P2RX7: variants seen among roughly 807,000 people sequenced by gnomAD.
The protein encoded by P2RX7 is purinergic receptor P2X 7.
In P2RX7, 62 loss-of-function variants were observed where a neutral mutation model predicts 71.6. That is an observed-to-expected ratio of 0.87 (90% confidence interval 0.71 to 1.07). The LOEUF (loss-of-function observed/expected upper bound fraction) is 1.07. P2RX7 is among the 50% of genes least tolerant of loss of function. The pLI is 0.00. For synonymous variants in P2RX7, 299 were observed against 283.3 expected (o/e 1.06, Z -0.56); for missense variants, 686 against 748.5 (o/e 0.92, Z 0.97).
At chr12:121,144,763 T>G (rs1028132965) in intron 1 of P2RX7, among the ~76,000 whole-genome samples, 4 of 151,908 alleles carry the variant, frequency 2.6e-5, no homozygotes, top group Non-Finnish European at 4.4e-5. Context: ...AGGAGAGAAG[T>G]AGATGAATTT....
intron 1 of P2RX7, among the ~76,000 whole-genome samples, chr12:121,139,049 T>C (rs1299333781): frequency 6.6e-6 from 1 of 152,116 alleles, no homozygotes; most frequent in Non-Finnish European, 1.5e-5. Context: ...TCAGGTGATT[T>C]TCCCACCTCA....
intron 4 of P2RX7, among the ~76,000 whole-genome samples, chr12:121,161,753 C>T (rs1879762316): frequency 7.0e-6 from 1 of 142,262 alleles, no homozygotes. Flanking sequence ...GATCATGCCA[C>T]TGCACTCCAG....
intron 12 of P2RX7, among the ~76,000 whole-genome samples, chr12:121,183,520 A>C (rs1488981399): frequency 6.6e-6 from 1 of 151,508 alleles, no homozygotes; most frequent in Non-Finnish European, 1.5e-5. Context: ...GCAGTAAGCC[A>C]AGATCATGCC....
At position 121,162,887 on chromosome 12, in the gene P2RX7, A is replaced by G. The variant is rs16950842; in HGVS notation, c.533+367A>G. On this transcript the variant is annotated intron_variant, in intron 5 of 12. Coordinates refer to ENST00000328963, the MANE Select transcript of P2RX7 (RefSeq NM_002562.6). Reference sequence around the variant, plus strand: ...GTGTCCATACTGAGTGATCAAGGATAGGAAGGAAGGAGGGAGATGGAAGGG... The same window carrying G: ...GTGTCCATACTGAGTGATCAAGGATGGGAAGGAAGGAGGGAGATGGAAGGG... Among the ~76,000 whole-genome samples, 1,383 of 151,990 alleles carry G rather than the reference A, an allele frequency of 9.1e-3. 25 individuals carry two copies. Among genetic ancestry groups the G allele is most frequent in the African/African-American group, 0.032 (1,334 of 41,420 alleles).
intron 4 of P2RX7, among the ~76,000 whole-genome samples, chr12:121,161,796 A>C (rs1593074886): frequency 6.6e-6 from 1 of 151,912 alleles, no homozygotes; most frequent in East Asian, 1.9e-4. Context: ...CTTTAAAAAA[A>C]AAAAAAAAGG....
chr12:121,155,193 T>TGTCC, intron 2 of P2RX7: 3 of 1,473,520 alleles, frequency 2.0e-6, no homozygotes, highest in Non-Finnish European at 2.7e-6. Flanking sequence ...TCCTGGTGCA[T>TGTCC]TGAAAACAGG....
intron 5 of P2RX7, among the ~76,000 whole-genome samples, chr12:121,163,554 A>G (rs1880273489): frequency 8.4e-6 from 1 of 119,570 alleles, no homozygotes; most frequent in African/African-American, 2.8e-5. Flanking sequence ...TGATAGATAG[A>G]AAGATAGATA....
At chr12:121,162,807 G>A (rs1029447649) in intron 5 of P2RX7, among the ~76,000 whole-genome samples, 3 of 152,032 alleles carry the variant, frequency 2.0e-5, no homozygotes, top group Admixed American at 2.0e-4. Context: ...GATCTTCCAG[G>A]GTACCCCCAG....
Position 121,175,421 on chromosome 12 carries a change from GAAACGGACTCTGAT to G in P2RX7, c.919_932del (p.Arg307SerfsTer7), listed in dbSNP as rs764653125. 6.2e-7 allele frequency: 1 copy of G among 1,602,490 alleles called. No homozygotes were observed. Among genetic ancestry groups the G allele is most frequent in the South Asian group, 1.1e-5 (1 of 90,826 alleles). ...AGTACTACAAGGAAAACAATGTTGA[GAAACGGACTCTGAT>G]AAAAGTCTTCGGGATCCGTTTTGAC... On this transcript the variant is annotated frameshift_variant, in exon 9 of 13. Transcript: ENST00000328963. LOFTEE classifies it high-confidence loss of function.
At chr12:121,181,130 G>A (rs1884079888) in intron 12 of P2RX7, among the ~76,000 whole-genome samples, 1 of 152,082 alleles carries the variant, frequency 6.6e-6, no homozygotes, top group Non-Finnish European at 1.5e-5. Context: ...TTTTACTTTG[G>A]CTAGAATTTT....
Position 121,135,042 on chromosome 12 carries a change from A to T in P2RX7, c.125+1947A>T, listed in dbSNP as rs1042037903. On this transcript the variant is annotated intron_variant, in intron 1 of 12. Coordinates refer to ENST00000328963, the MANE Select transcript of P2RX7 (RefSeq NM_002562.6). ...AGCTCCATAACTAGTATCTATTTTT[A>T]AAAATAATCTTTTTAAGTCTGGGAG... is the stretch of plus-strand genomic sequence containing the variant. Among the ~76,000 whole-genome samples, 5 of 152,200 alleles carry T rather than the reference A, an allele frequency of 3.3e-5. No homozygotes were observed. The East Asian group carries it at 5.8e-4, about 18-fold the overall frequency.
At chr12:121,141,965 C>G (rs953238818) in intron 1 of P2RX7, among the ~76,000 whole-genome samples, 13 of 152,164 alleles carry the variant, frequency 8.5e-5, no homozygotes, top group African/African-American at 2.7e-4. Flanking sequence ...CACTTTGATA[C>G]ACAAGGAATA....
intron 6 of P2RX7, among the ~76,000 whole-genome samples, chr12:121,165,854 C>A (rs1880900196): frequency 6.6e-6 from 1 of 152,130 alleles, no homozygotes; most frequent in Non-Finnish European, 1.5e-5. Flanking sequence ...TGGGGGGAGA[C>A]CCCAACACTT....
chr12:121,133,568 C>T (rs185272507), intron 1 of P2RX7, among the ~76,000 whole-genome samples: 7 of 152,222 alleles, frequency 4.6e-5, no homozygotes, highest in Admixed American at 4.6e-4. Context: ...AAGAAACTTA[C>T]TGAGATATAA....
intron 1 of P2RX7, among the ~76,000 whole-genome samples, chr12:121,142,765 G>T (rs1167684328): frequency 6.6e-6 from 1 of 152,108 alleles, no homozygotes; most frequent in African/African-American, 2.4e-5. Flanking sequence ...GGCCCACCTG[G>T]ATGACACAGG....
At chr12:121,157,739 T>A (rs1410702964) in intron 3 of P2RX7, among the ~76,000 whole-genome samples, 1 of 152,222 alleles carries the variant, frequency 6.6e-6, no homozygotes, top group Non-Finnish European at 1.5e-5. Context: ...AAACTTAAAC[T>A]TCTTAACTCT....
chr12:121,142,798 G>A (rs534046472), intron 1 of P2RX7, among the ~76,000 whole-genome samples: 10 of 152,132 alleles, frequency 6.6e-5, no homozygotes, highest in Non-Finnish European at 1.2e-4. Context: ...TCTCAAAATC[G>A]TTAACTTTGG....
intron 5 of P2RX7, 96 bp downstream of exon 5, chr12:121,162,616 T>G: frequency 6.9e-7 from 1 of 1,445,978 alleles, no homozygotes; most frequent in Non-Finnish European, 9.4e-7. Flanking sequence ...AGCACAGCCC[T>G]GCAAAGTCCT....
chr12:121,165,379 G>A lies in P2RX7; in HGVS notation c.556G>A (p.Glu186Lys), dbSNP rs28360451. The change falls in exon 6 of 13, where the codon GAA (glutamate) becomes AAA (lysine). Residue 186 changes from glutamate (E) to lysine (K), a missense_variant. By Grantham distance (56) the Glu-to-Lys change is moderately conservative. Coordinates refer to ENST00000328963, the MANE Select transcript of P2RX7 (RefSeq NM_002562.6). The stretch of plus-strand genomic sequence containing the variant: ...CAGGCCTGCTCTCTTGAACAGTGCC[G>A]AAAACTTCACTGTGCTCATCAAGAA... ...APRPALLNSAENFTVLIKNNI... is the reference protein window; with the variant it reads ...APRPALLNSAKNFTVLIKNNI... The A allele has an allele frequency of 6.1e-5, 99 of 1,613,954 alleles. 2 individuals carry two copies. Among genetic ancestry groups the A allele is most frequent in the South Asian group, 5.4e-4 (49 of 91,078 alleles).
Sources: allele counts gnomAD v4.1 joint callset (sites outside exome capture counted in the v4.1 genomes callset), GRCh38; gene constraint gnomAD v4.1.1; transcripts MANE v1.5; gene names NCBI Gene and HGNC (gene_info 2026-07-23, HGNC 2026-07-21).